The following TUSC3 variants were observed in gnomAD, a reference collection of about 807,000 sequenced individuals.
TUSC3 encodes the protein tumor suppressor candidate 3.
Under a neutral mutation model 44.8 loss-of-function variants are expected in TUSC3, and 45 were observed. That is an observed-to-expected ratio of 1.00 (90% CI 0.79 to 1.29). The LOEUF (loss-of-function observed/expected upper bound fraction) is 1.29, where lower values mean the gene tolerates loss of function less well. TUSC3 is among the 50% of genes most tolerant of loss of function. The probability of loss-of-function intolerance (pLI) is 0.00; values close to 1 mark genes in which losing one functional copy is unlikely to be tolerated. For synonymous variants in TUSC3, 212 were observed against 152.9 expected, an observed-to-expected ratio of 1.39 and a Z score of -2.85; for missense variants, 519 against 437.9, an observed-to-expected ratio of 1.19 and a Z score of -1.65.
At chr8:15,570,174 T>A (rs182920495) in intron 1 of TUSC3, among the ~76,000 whole-genome samples, 238 of 152,126 alleles carry the variant, frequency 1.6e-3, no homozygotes, top group Non-Finnish European at 3.1e-3. Flanking sequence ...TGATTTTGCA[T>A]GTTATATGTC....
chr8:15,700,567 G>T (rs1809353405), intron 6 of TUSC3, among the ~76,000 whole-genome samples: 1 of 152,114 alleles, frequency 6.6e-6, no homozygotes, highest in South Asian at 2.1e-4. Flanking sequence ...GCCTTGTTGA[G>T]GGAACAGAGA....
chr8:15,532,482 C>T (rs1054057951), intron 2 of TUSC3, among the ~76,000 whole-genome samples: 3 of 152,038 alleles, frequency 2.0e-5, no homozygotes, highest in African/African-American at 7.2e-5. Context: ...AAACTATGGT[C>T]CGTGTTTTTC....
intron 3 of TUSC3, among the ~76,000 whole-genome samples, chr8:15,651,180 T>C (rs1001036061): frequency 6.6e-6 from 1 of 152,254 alleles, no homozygotes; most frequent in African/African-American, 2.4e-5. Context: ...AGAGGAAATG[T>C]GTTTTTTCAG....
chr8:15,631,220 G>A lies in TUSC3; in HGVS notation c.308+7971G>A, dbSNP rs144627627. Among the ~76,000 whole-genome samples the A allele has an allele frequency of 7.7e-4, 117 of 152,208 alleles. 1 individual carries two copies. Among genetic ancestry groups the A allele is most frequent in the African/African-American group, 2.6e-3 (110 of 41,536 alleles). ...AATGATGCCCTCAAGTTACTGCTGA[G>A]CTATGTAGTTTAATTTTCTTATTTT... On this transcript the variant is annotated intron_variant, in intron 2 of 10. Transcript: ENST00000503731.
chr8:15,700,502 A>G (rs1459278077), intron 6 of TUSC3, among the ~76,000 whole-genome samples: 2 of 152,140 alleles, frequency 1.3e-5, no homozygotes, highest in Non-Finnish European at 2.9e-5. Context: ...AAAAAATTAA[A>G]TTTCTTCAGT....
chr8:15,848,371 G>C, the TUSC3 span, among the ~76,000 whole-genome samples: 2 of 152,198 alleles, frequency 1.3e-5, no homozygotes, highest in Non-Finnish European at 2.9e-5. Flanking sequence ...AACAGGCTCT[G>C]TTCCAGCCCC....
the TUSC3 span, among the ~76,000 whole-genome samples, chr8:15,790,955 G>A: frequency 6.6e-6 from 1 of 152,194 alleles, no homozygotes; most frequent in East Asian, 1.9e-4. Context: ...CAGGAGAGAG[G>A]CATGGTTCAA....
intron 1 of TUSC3, among the ~76,000 whole-genome samples, chr8:15,570,084 C>A (rs1327085612): frequency 6.6e-6 from 1 of 151,904 alleles, no homozygotes; most frequent in Non-Finnish European, 1.5e-5. Flanking sequence ...ATAAAAGATT[C>A]CCACATTATT....
At chr8:15,459,045 A>C (rs1800304447) in intron 1 of TUSC3, among the ~76,000 whole-genome samples, 1 of 152,158 alleles carries the variant, frequency 6.6e-6, no homozygotes, top group African/African-American at 2.4e-5. Context: ...GATCTCCCCA[A>C]ATGTTCTGAA....
chr8:15,851,314 C>T, the TUSC3 span, among the ~76,000 whole-genome samples: 1 of 151,962 alleles, frequency 6.6e-6, no homozygotes, highest in African/African-American at 2.4e-5. Context: ...GACAAAAGTC[C>T]CTGGTCTTAA....
intron 6 of TUSC3, among the ~76,000 whole-genome samples, chr8:15,691,751 T>A (rs879628281): frequency 6.6e-6 from 1 of 151,896 alleles, no homozygotes; most frequent in Admixed American, 6.6e-5. Context: ...AAGCCTTTCC[T>A]GTATGAAGAT....
chr8:15,485,194 C>G (rs780631246), intron 2 of TUSC3, among the ~76,000 whole-genome samples: 11 of 152,034 alleles, frequency 7.2e-5, no homozygotes, highest in Admixed American at 4.6e-4. Context: ...ATAAGGACAC[C>G]CTCACCAAGT....
chr8:15,774,302 A>G, the TUSC3 span, among the ~76,000 whole-genome samples: 1 of 152,190 alleles, frequency 6.6e-6, no homozygotes, highest in Admixed American at 6.6e-5. Flanking sequence ...ACTTGGAAAT[A>G]GAGTCACTGC....
intron 1 of TUSC3, among the ~76,000 whole-genome samples, chr8:15,592,713 C>T (rs927506796): frequency 2.0e-5 from 3 of 152,138 alleles, no homozygotes; most frequent in Admixed American, 1.3e-4. Context: ...TATAAATTAT[C>T]AAATTTTAGA....
Position 15,764,407 on chromosome 8 carries a change from G to C in TUSC3, c.*251G>C. 1 of 567,768 alleles carries C rather than the reference G, an allele frequency of 1.8e-6. No homozygotes were observed. The highest frequency in any genetic ancestry group is 3.3e-5 in the East Asian group (1 of 30,518). The allele number at this position is 567,768 out of a possible 1,614,324, so 35.2% of individuals were successfully genotyped here. On this transcript the variant is annotated 3_prime_UTR_variant, in exon 11 of 11. Coordinates refer to ENST00000503731, the MANE Select transcript of TUSC3 (RefSeq NM_006765.4). ...ATGGTAGCATTTAGTAATCTACAAA[G>C]GAAATATCAAAGTGTTTTTCAAGCC... is the stretch of plus-strand genomic sequence containing the variant.
chr8:15,668,443 C>T (rs756368044), intron 5 of TUSC3, among the ~76,000 whole-genome samples: 15 of 151,520 alleles, frequency 9.9e-5, no homozygotes, highest in Non-Finnish European at 1.6e-4. Flanking sequence ...TTGAAAGCTA[C>T]GTGTATCAAA....
Position 15,690,644 on chromosome 8 carries a change from A to C in TUSC3, c.798+16808A>C, listed in dbSNP as rs4598252. Among the ~76,000 whole-genome samples the C allele has an allele frequency of 3.1e-3, 474 of 152,220 alleles. 2 individuals are homozygous for C. Among genetic ancestry groups the C allele is most frequent in the Non-Finnish European group, 4.6e-3 (311 of 68,004 alleles). ...GTTTTATCGTTTTGTTTTTACATTT[A>C]AGTATTTCATCCATCTTGAGTTGAT... is the stretch of plus-strand genomic sequence containing the variant. On this transcript the variant is annotated intron_variant, in intron 6 of 10. Transcript: ENST00000503731.
intron 2 of TUSC3, among the ~76,000 whole-genome samples, chr8:15,509,735 A>T (rs73665422): frequency 0.026 from 3,907 of 152,336 alleles, 152 homozygotes; most frequent in African/African-American, 0.088. Context: ...CTCTAAATGC[A>T]GATGATTTTG....
At chr8:15,717,743 A>G (rs1056726140) in intron 6 of TUSC3, among the ~76,000 whole-genome samples, 1 of 152,100 alleles carries the variant, frequency 6.6e-6, no homozygotes, top group Non-Finnish European at 1.5e-5. Flanking sequence ...ATTTTGTACC[A>G]TGTAACTTAA....
Sources: gnomAD v4.1 joint callset for allele counts (sites outside exome capture counted in the v4.1 genomes callset) on GRCh38, gnomAD v4.1.1 for gene constraint, MANE v1.5 for transcripts, NCBI Gene and HGNC (gene_info 2026-07-23, HGNC 2026-07-21) for gene names.